Variants in PTPRD observed in about 807,000 individuals in gnomAD.
The protein encoded by PTPRD is receptor-type tyrosine-protein phosphatase delta.
In PTPRD, 34 loss-of-function variants were observed where a neutral mutation model predicts 214.5. The ratio of observed to expected loss-of-function variants is 0.16; its 90% CI spans 0.12 to 0.21. The LOEUF is 0.21. Among genes scored for constraint, PTPRD ranks in the 10% least tolerant of loss-of-function variants. PTPRD has a pLI of 1.00. For missense variants in PTPRD, 2,545 were observed against 2,398.7 expected (o/e 1.06, Z -1.27); for synonymous variants, 1,128 against 845.7 (o/e 1.33, Z -5.79).
At chr9:9,765,207 T>C (rs889253435) in intron 6 of PTPRD, among the ~76,000 whole-genome samples, 11 of 152,180 alleles carry the variant, frequency 7.2e-5, no homozygotes, top group African/African-American at 2.7e-4. Context: ...AATTTTATTA[T>C]CTCAGAAAAT....
At chr9:9,434,383 G>C (rs373132881) in intron 8 of PTPRD, among the ~76,000 whole-genome samples, 1 of 152,090 alleles carries the variant, frequency 6.6e-6, no homozygotes, top group African/African-American at 2.4e-5. Context: ...ATAAATGGTA[G>C]GGTATCCTGT....
At chr9:8,544,930 T>C (rs527448048) in intron 14 of PTPRD, among the ~76,000 whole-genome samples, 2 of 151,164 alleles carry the variant, frequency 1.3e-5, no homozygotes, top group South Asian at 2.1e-4. Flanking sequence ...GGAGGCACTT[T>C]TGTATCAAAG....
At position 8,815,371 on chromosome 9, in the gene PTPRD, T is replaced by C. The variant is rs372625546; in HGVS notation, c.-103-81425A>G. ...AATCCAAAATACACAAAAATAAATATTGAGATGAGTTAGGCTCAAAATGTG... is the reference window on the plus strand; with the variant it reads ...AATCCAAAATACACAAAAATAAATACTGAGATGAGTTAGGCTCAAAATGTG... On this transcript the variant is annotated intron_variant, in intron 11 of 45. Coordinates refer to ENST00000381196, the MANE Select transcript of PTPRD (RefSeq NM_002839.4). 5.5e-4 allele frequency among the ~76,000 whole-genome samples: 84 copies of C among 152,280 alleles called. No individual in the cohort carries two copies. In the South Asian group the frequency reaches 0.017, roughly 30 times the overall value.
chr9:9,869,615 G>C (rs1448470580), intron 5 of PTPRD, among the ~76,000 whole-genome samples: 1 of 151,880 alleles, frequency 6.6e-6, no homozygotes, highest in Non-Finnish European at 1.5e-5. Context: ...AAAAGTAAAA[G>C]ACAATACCTA....
At chr9:8,500,432 A>G in intron 24 of PTPRD, among the ~76,000 whole-genome samples, 1 of 151,824 alleles carries the variant, frequency 6.6e-6, no homozygotes, top group African/African-American at 2.4e-5. Flanking sequence ...AGAAGTGACT[A>G]CAAAAAGCCA....
intron 3 of PTPRD, among the ~76,000 whole-genome samples, chr9:10,181,028 T>C (rs934999441): frequency 6.6e-6 from 1 of 152,118 alleles, no homozygotes; most frequent in Non-Finnish European, 1.5e-5. Context: ...CCACTCCTAC[T>C]GTGTAGCACA....
At chr9:10,072,427 G>A (rs1392026347) in intron 3 of PTPRD, among the ~76,000 whole-genome samples, 2 of 152,080 alleles carry the variant, frequency 1.3e-5, no homozygotes, top group Non-Finnish European at 2.9e-5. Flanking sequence ...TTCGCAGTGA[G>A]CGTTATAGCT....
At chr9:9,172,050 G>GATAC (rs2130997059) in intron 10 of PTPRD, among the ~76,000 whole-genome samples, 1 of 152,098 alleles carries the variant, frequency 6.6e-6, no homozygotes, top group African/African-American at 2.4e-5. Context: ...CAGTATAAAT[G>GATAC]GTATTACAAA....
chr9:10,452,824 A>C (rs887840069), intron 2 of PTPRD, among the ~76,000 whole-genome samples: 2 of 151,660 alleles, frequency 1.3e-5, no homozygotes, highest in African/African-American at 2.4e-5. Context: ...TAAGGATTCT[A>C]GTTTGATGTA....
chr9:9,565,344 A>T (rs1252729363), intron 8 of PTPRD, among the ~76,000 whole-genome samples: 1 of 151,910 alleles, frequency 6.6e-6, no homozygotes, highest in East Asian at 1.9e-4. Flanking sequence ...AAATGGAGAT[A>T]CACTTCTGAT....
chr9:8,876,587 C>T (rs2098393206), intron 11 of PTPRD, among the ~76,000 whole-genome samples: 1 of 152,210 alleles, frequency 6.6e-6, no homozygotes, highest in African/African-American at 2.4e-5. Context: ...TTATTTGCTC[C>T]TGGCAGAAAT....
At chr9:10,606,280 GA>G (rs1217521575) in intron 2 of PTPRD, among the ~76,000 whole-genome samples, 1 of 151,732 alleles carries the variant, frequency 6.6e-6, no homozygotes, top group South Asian at 2.1e-4. Flanking sequence ...AATAAGAAAT[GA>G]AATAATTCTG....
At chr9:10,554,776 T>C (rs1234462421) in intron 2 of PTPRD, among the ~76,000 whole-genome samples, 3 of 152,172 alleles carry the variant, frequency 2.0e-5, no homozygotes, top group Non-Finnish European at 4.4e-5. Context: ...TTCTCCTGCC[T>C]CAGCCTCCCG....
intron 10 of PTPRD, among the ~76,000 whole-genome samples, chr9:9,117,397 A>T (rs1000437406): frequency 4.1e-4 from 62 of 152,140 alleles, no homozygotes; most frequent in Non-Finnish European, 9.0e-4. Context: ...CACTTGTTGT[A>T]CTTAAGCATA....
chr9:8,721,168 C>A (rs765582591), intron 12 of PTPRD, among the ~76,000 whole-genome samples: 1 of 151,742 alleles, frequency 6.6e-6, no homozygotes, highest in East Asian at 1.9e-4. Context: ...GTGGCTCACA[C>A]CTGTTATCCC....
chr9:10,146,593 G>A (rs1205045254), intron 3 of PTPRD, among the ~76,000 whole-genome samples: 1 of 152,098 alleles, frequency 6.6e-6, no homozygotes, highest in African/African-American at 2.4e-5. Context: ...TTGAAAGCTA[G>A]AATTTTCTGA....
chr9:9,067,602 G>A (rs190001243), intron 10 of PTPRD, among the ~76,000 whole-genome samples: 49 of 151,914 alleles, frequency 3.2e-4, no homozygotes, highest in African/African-American at 7.7e-4. Flanking sequence ...TAGTCTTTTG[G>A]TTATTTACTG....
chr9:9,405,025 C>T (rs1007345546), intron 8 of PTPRD, among the ~76,000 whole-genome samples: 5 of 152,004 alleles, frequency 3.3e-5, no homozygotes, highest in Admixed American at 6.6e-5. Context: ...AGGATAACAT[C>T]CCGGTGGCAC....
intron 3 of PTPRD, among the ~76,000 whole-genome samples, chr9:10,050,641 T>A (rs1235938139): frequency 7.7e-6 from 1 of 129,368 alleles, no homozygotes; most frequent in Non-Finnish European, 1.6e-5. Flanking sequence ...GCAATAAAAC[T>A]AACAAAACTT....
Sources: gnomAD v4.1 joint callset for allele counts (sites outside exome capture counted in the v4.1 genomes callset) on GRCh38, gnomAD v4.1.1 for gene constraint, MANE v1.5 for transcripts, NCBI Gene and HGNC (gene_info 2026-07-23, HGNC 2026-07-21) for gene names.